MACROD2: variants seen among roughly 807,000 people sequenced by gnomAD.
MACROD2 encodes mono-ADP ribosylhydrolase 2.
A neutral mutation model predicts 70.4 loss-of-function variants in MACROD2; 36 were observed. The ratio of observed to expected loss-of-function variants is 0.51; its 90% CI spans 0.39 to 0.68. The LOEUF is 0.68. Among genes scored for constraint, MACROD2 ranks in the 30% least tolerant of loss-of-function variants. The probability of loss-of-function intolerance (pLI) is 0.00; values close to 1 mark genes in which losing one functional copy is unlikely to be tolerated. For synonymous variants in MACROD2, 172 were observed against 178.8 expected, an observed-to-expected ratio of 0.96 and a Z score of 0.30; for missense variants, 496 against 538.4, an observed-to-expected ratio of 0.92 and a Z score of 0.78.
chr20:14,828,441 A>G (rs1205360466), intron 5 of MACROD2, among the ~76,000 whole-genome samples: 2 of 152,150 alleles, frequency 1.3e-5, no homozygotes, highest in Non-Finnish European at 2.9e-5. Flanking sequence ...CTGGGACAGT[A>G]TGGACATTCT....
intron 2 of MACROD2, among the ~76,000 whole-genome samples, chr20:14,016,443 G>C (rs1287763136): frequency 6.6e-6 from 1 of 151,996 alleles, no homozygotes; most frequent in African/African-American, 2.4e-5. Context: ...TTTTTTCTCT[G>C]GTTGATTGCT....
At chr20:14,539,523 A>G (rs982394460) in intron 4 of MACROD2, among the ~76,000 whole-genome samples, 3 of 152,190 alleles carry the variant, frequency 2.0e-5, no homozygotes, top group African/African-American at 7.2e-5. Flanking sequence ...GAAGGCCCTG[A>G]AAACCAGCTA....
At chr20:15,524,163 G>A (rs1483115145) in intron 8 of MACROD2, among the ~76,000 whole-genome samples, 1 of 152,078 alleles carries the variant, frequency 6.6e-6, no homozygotes, top group Non-Finnish European at 1.5e-5. Context: ...TGTTCTCTCT[G>A]TTGAGTGCTA....
At chr20:15,661,797 T>G (rs984943344) in intron 8 of MACROD2, among the ~76,000 whole-genome samples, 1 of 152,194 alleles carries the variant, frequency 6.6e-6, no homozygotes, top group Admixed American at 6.5e-5. Context: ...GCTTCCACTC[T>G]GTAAAATTAA....
At chr20:14,871,077 C>A (rs1333238138) in intron 5 of MACROD2, among the ~76,000 whole-genome samples, 1 of 151,994 alleles carries the variant, frequency 6.6e-6, no homozygotes, top group African/African-American at 2.4e-5. Flanking sequence ...GGGAATGGAA[C>A]CAACTTGGAA....
intron 8 of MACROD2, among the ~76,000 whole-genome samples, chr20:15,511,571 AT>A (rs977589526): frequency 6.6e-6 from 1 of 152,158 alleles, no homozygotes; most frequent in African/African-American, 2.4e-5. Flanking sequence ...TTAAAGAAAA[AT>A]TTTGCTCATG....
intron 13 of MACROD2, among the ~76,000 whole-genome samples, chr20:15,980,543 G>A (rs2066382902): frequency 6.6e-6 from 1 of 152,116 alleles, no homozygotes; most frequent in Non-Finnish European, 1.5e-5. Flanking sequence ...GGAGCAGTAA[G>A]CAGGTTTTTA....
At chr20:14,298,947 T>C (rs1430755566) in intron 3 of MACROD2, among the ~76,000 whole-genome samples, 1 of 152,166 alleles carries the variant, frequency 6.6e-6, no homozygotes, top group Non-Finnish European at 1.5e-5. Flanking sequence ...AAGAAAGTGG[T>C]TTCTTGAGAT....
chr20:15,915,524 C>T (rs1234397695), intron 10 of MACROD2, among the ~76,000 whole-genome samples: 1 of 152,210 alleles, frequency 6.6e-6, no homozygotes, highest in Non-Finnish European at 1.5e-5. Context: ...CCCACCTTTA[C>T]ATATTTTGAT....
intron 15 of MACROD2, among the ~76,000 whole-genome samples, chr20:15,987,710 T>C (rs1228101546): frequency 6.6e-6 from 1 of 152,144 alleles, no homozygotes; most frequent in Non-Finnish European, 1.5e-5. Flanking sequence ...TGAACACTCC[T>C]TAAATATTAA....
At chr20:15,098,705 G>T (rs565915102) in intron 5 of MACROD2, among the ~76,000 whole-genome samples, 63 of 152,330 alleles carry the variant, frequency 4.1e-4, no homozygotes, top group Admixed American at 4.0e-3. Context: ...AAGAAGTTAT[G>T]ATGGTGGTAG....
At chr20:15,262,806 T>G (rs1217354539) in intron 6 of MACROD2, among the ~76,000 whole-genome samples, 2 of 152,158 alleles carry the variant, frequency 1.3e-5, no homozygotes, top group Admixed American at 6.6e-5. Flanking sequence ...TCAGTGATAT[T>G]GAACACATTT....
intron 7 of MACROD2, among the ~76,000 whole-genome samples, chr20:15,494,776 T>TGTGTGTGTGCGC (rs368522802): frequency 1.7e-4 from 22 of 131,892 alleles, no homozygotes; most frequent in African/African-American, 6.1e-4. Flanking sequence ...CGTGTGTGTG[T>TGTGTGTGTGCGC]GCGCGCGTGT....
intron 8 of MACROD2, among the ~76,000 whole-genome samples, chr20:15,584,109 G>A (rs891487233): frequency 6.6e-6 from 1 of 152,228 alleles, no homozygotes. Flanking sequence ...TTACCCCATA[G>A]AAGTATTCCT....
chr20:15,366,974 C>G (rs56772264), intron 6 of MACROD2, among the ~76,000 whole-genome samples: 21,525 of 151,728 alleles, frequency 0.14, 2,113 homozygotes, highest in African/African-American at 0.28. Flanking sequence ...AATCTATTAA[C>G]AGTTTCCTTG....
chr20:15,580,172 G>A (rs765838879), intron 8 of MACROD2, among the ~76,000 whole-genome samples: 1 of 152,160 alleles, frequency 6.6e-6, no homozygotes, highest in Non-Finnish European at 1.5e-5. Flanking sequence ...CTTGAAAATA[G>A]ATAAAGTAAA....
At chr20:14,091,746 T>C (rs1228811969) in intron 3 of MACROD2, among the ~76,000 whole-genome samples, 2 of 152,184 alleles carry the variant, frequency 1.3e-5, no homozygotes, top group Non-Finnish European at 2.9e-5. Context: ...AATTAATGAA[T>C]TTATTTATTA....
chr20:14,032,236 G>GT (rs2053254347), intron 2 of MACROD2, among the ~76,000 whole-genome samples: 2 of 151,714 alleles, frequency 1.3e-5, no homozygotes, highest in African/African-American at 4.8e-5. Flanking sequence ...TGAACTATTA[G>GT]TTTTTTTCCA....
intron 5 of MACROD2, among the ~76,000 whole-genome samples, chr20:14,867,920 C>T (rs1352664302): frequency 6.6e-6 from 1 of 152,046 alleles, no homozygotes; most frequent in East Asian, 1.9e-4. Flanking sequence ...GCCTTTAAGA[C>T]ACCCCTAAGG....
Sources: allele counts gnomAD v4.1 joint callset (sites outside exome capture counted in the v4.1 genomes callset), GRCh38; gene constraint gnomAD v4.1.1; transcripts MANE v1.5; gene names NCBI Gene and HGNC (gene_info 2026-07-23, HGNC 2026-07-21).